Variants in VWA5A observed in about 807,000 individuals in gnomAD.
VWA5A encodes the protein von Willebrand factor A domain-containing protein 5A.
In VWA5A, 77 loss-of-function variants were observed where a neutral mutation model predicts 84.6. The observed-to-expected ratio is 0.91, with a 90% CI of 0.76 to 1.10. The LOEUF (loss-of-function observed/expected upper bound fraction) is 1.10. Among genes scored for constraint, VWA5A ranks in the 50% least tolerant of loss-of-function variants. VWA5A has a pLI of 0.00. For synonymous variants in VWA5A, 334 were observed against 350.1 expected (o/e 0.95, Z 0.51); for missense variants, 973 against 963.0 (o/e 1.01, Z -0.14).
In VWA5A at chr11:124,136,691, C is replaced by CCCTTCCTTCCTT. The variant is rs370786608; in HGVS notation, c.1625+63_1625+74dup. 7.1e-3 allele frequency: 7,740 copies of CCCTTCCTTCCTT among 1,095,594 alleles called. 83 individuals carry two copies. Among genetic ancestry groups the CCCTTCCTTCCTT allele is most frequent in the South Asian group, 0.012 (823 of 68,382 alleles). The allele number at this position is 1,095,594 out of a possible 1,614,324, so 67.9% of individuals were successfully genotyped here. ...TGATGTCAAGTGAGAATTCAGTTTT[C>CCCTTCCTTCCTT]CCTTCCTTCCTTCCTTCCTTCCTTC... On this transcript the variant is annotated intron_variant, in intron 14 of 18. Transcript: ENST00000456829.
rs540971337 is a variant in VWA5A at position 124,120,543 on chromosome 11, T to C, written c.760+1454T>C. Among the ~76,000 whole-genome samples, 16 of 152,326 alleles carry C rather than the reference T, an allele frequency of 1.1e-4. 1 individual carries two copies. In the East Asian group the frequency reaches 1.2e-3, roughly 11 times the overall value. On this transcript the variant is annotated intron_variant, in intron 7 of 18. Transcript: ENST00000456829. The stretch of plus-strand genomic sequence containing the variant: ...GTTAATGTTTGCTTCCAAAGTAGCT[T>C]CATACTTGAGCTCACAAATTGAACT...
intron 11 of VWA5A, among the ~76,000 whole-genome samples, chr11:124,133,951 T>G (rs1161197911): frequency 5.3e-5 from 8 of 152,228 alleles, no homozygotes; most frequent in African/African-American, 1.7e-4. Flanking sequence ...GTCACTTTGT[T>G]GCCTAGGCTG....
intron 11 of VWA5A, among the ~76,000 whole-genome samples, chr11:124,125,134 T>C (rs1864999637): frequency 6.6e-6 from 1 of 152,224 alleles, no homozygotes; most frequent in Non-Finnish European, 1.5e-5. Context: ...TTGTGGAGTT[T>C]CTAGGGAATG....
At chr11:124,140,120 A>G (rs1860698215) in intron 15 of VWA5A, among the ~76,000 whole-genome samples, 1 of 152,102 alleles carries the variant, frequency 6.6e-6, no homozygotes, top group Non-Finnish European at 1.5e-5. Flanking sequence ...CCAACTTTTC[A>G]TCTCTTGGAT....
chr11:124,117,398 T>C, intron 2 of VWA5A, 99 bp from the exon 3 acceptor site: 1 of 1,164,232 alleles, frequency 8.6e-7, no homozygotes, highest in Non-Finnish European at 1.3e-6. Flanking sequence ...CATTAACCCT[T>C]TGAATGTATT....
chr11:124,137,427 C>A (rs1015815323), intron 15 of VWA5A, among the ~76,000 whole-genome samples, 159 bp downstream of exon 15: 1 of 151,950 alleles, frequency 6.6e-6, no homozygotes, highest in African/African-American at 2.4e-5. Flanking sequence ...TTTTTCTGTC[C>A]CAGGGAACTA....
chr11:124,146,949 C>G lies in VWA5A; in HGVS notation c.*1004C>G, dbSNP rs1444432377. On this transcript the variant is annotated 3_prime_UTR_variant, in exon 19 of 19. Coordinates refer to ENST00000456829, the MANE Select transcript of VWA5A (RefSeq NM_001130142.2). ...TTAAAGTGGTCTCGTCTCCCTACCC[C>G]ACAATATTTTGGTACTGCCACTTTG... 4 of 166,580 alleles carry G rather than the reference C, an allele frequency of 2.4e-5. No homozygotes were observed. The allele number at this position is 166,580 out of a possible 1,614,324, so 10.3% of individuals were successfully genotyped here.
chr11:124,117,438 T>G (rs764143407), intron 2 of VWA5A, 59 bp from the exon 3 acceptor site: 1 of 1,466,296 alleles, frequency 6.8e-7, no homozygotes, highest in Non-Finnish European at 9.6e-7. Flanking sequence ...CATAAAGTAC[T>G]GGTGTTTGAA....
chr11:124,119,033 A>G lies in VWA5A; in HGVS notation c.704A>G (p.Asn235Ser), dbSNP rs2137627354. ...DRDVELLIYY[N>S]EVHTPSVVLE... ...GACGTGGAACTCCTGATTTACTACA[A>G]TGAGGTGCATACCCCCAGCGTGGTT... Residue 235 changes from asparagine to serine, a missense_variant, in exon 7 of 19, where the codon AAT (asparagine) becomes AGT (serine). Physicochemically the swap from Asn to Ser is conservative, Grantham distance 46. Coordinates refer to ENST00000456829, the MANE Select transcript of VWA5A (RefSeq NM_001130142.2). The G allele has an allele frequency of 1.2e-6, 2 of 1,614,206 alleles. No homozygotes were observed. The highest frequency in any genetic ancestry group is 1.1e-5 in the South Asian group (1 of 91,078).
At chr11:124,132,341 A>G (rs1409948124) in intron 11 of VWA5A, among the ~76,000 whole-genome samples, 1 of 152,042 alleles carries the variant, frequency 6.6e-6, no homozygotes, top group Non-Finnish European at 1.5e-5. Flanking sequence ...TTATGCTAGT[A>G]TCATAAAATG....
chr11:124,132,269 A>G (rs1461311144), intron 11 of VWA5A, among the ~76,000 whole-genome samples: 1 of 151,984 alleles, frequency 6.6e-6, no homozygotes, highest in Non-Finnish European at 1.5e-5. Flanking sequence ...AGGATTTTGA[A>G]TCTATTTTCA....
chr11:124,140,612 C>A (rs992508644), intron 15 of VWA5A, among the ~76,000 whole-genome samples: 1 of 151,338 alleles, frequency 6.6e-6, no homozygotes, highest in Non-Finnish European at 1.5e-5. Context: ...TCTAGACATG[C>A]ACCACCATGC....
intron 15 of VWA5A, among the ~76,000 whole-genome samples, 192 bp downstream of exon 15, chr11:124,137,460 G>A (rs1860632046): frequency 6.6e-6 from 1 of 152,120 alleles, no homozygotes; most frequent in African/African-American, 2.4e-5. Context: ...TTGGCAAGGA[G>A]ATTTAAAATA....
chr11:124,138,261 C>T (rs1271771174), intron 15 of VWA5A, among the ~76,000 whole-genome samples: 1 of 152,094 alleles, frequency 6.6e-6, no homozygotes, highest in Non-Finnish European at 1.5e-5. Context: ...GTGAATAGTG[C>T]TGATATCTCT....
chr11:124,125,325 C>T (rs1865003466), intron 11 of VWA5A, among the ~76,000 whole-genome samples: 1 of 151,576 alleles, frequency 6.6e-6, no homozygotes, highest in South Asian at 2.1e-4. Flanking sequence ...CTCTTTCGCC[C>T]AGGCCGGACT....
chr11:124,117,354 CT>C (rs1565613207), intron 2 of VWA5A, 142 bp from the exon 3 acceptor site: 23 of 804,374 alleles, frequency 2.9e-5, no homozygotes, highest in Middle Eastern at 2.3e-4. Context: ...TCTTTGTCTC[CT>C]TTTTTTTAAA....
At chr11:124,145,451 C>T in intron 18 of VWA5A, 88 bp downstream of exon 18, 1 of 1,455,164 alleles carries the variant, frequency 6.9e-7, no homozygotes, top group South Asian at 1.6e-5. Context: ...TCACCTGCCT[C>T]CACCATCCTG....
chr11:124,116,745 A>T (rs1328564761), intron 2 of VWA5A, 65 bp downstream of exon 2: 2 of 152,352 alleles, frequency 1.3e-5, no homozygotes, highest in South Asian at 4.1e-4. Flanking sequence ...TATGGAATGA[A>T]AAGCCTGATT....
intron 7 of VWA5A, among the ~76,000 whole-genome samples, chr11:124,122,052 A>G (rs552816957): frequency 6.6e-6 from 1 of 152,328 alleles, no homozygotes; most frequent in African/African-American, 2.4e-5. Flanking sequence ...GGCATATCCT[A>G]TGGAGAAGAA....
Sources: allele counts gnomAD v4.1 joint callset (sites outside exome capture counted in the v4.1 genomes callset), GRCh38; gene constraint gnomAD v4.1.1; transcripts MANE v1.5; gene names NCBI Gene and HGNC (gene_info 2026-07-23, HGNC 2026-07-21).